The following NTM variants were observed in gnomAD, a reference collection of about 807,000 sequenced individuals.
NTM encodes the protein IgLON family member 2.
A neutral mutation model predicts 42.1 loss-of-function variants in NTM; 13 were observed. The observed-to-expected ratio is 0.31, with a 90% CI of 0.20 to 0.49. The LOEUF (loss-of-function observed/expected upper bound fraction) is 0.49. NTM is among the 20% of genes least tolerant of loss of function. The probability of loss-of-function intolerance (pLI) is 0.99; values close to 1 mark genes in which losing one functional copy is unlikely to be tolerated. For synonymous variants in NTM, 187 were observed against 179.2 expected, an observed-to-expected ratio of 1.04 and a Z score of -0.35; for missense variants, 373 against 452.8, an observed-to-expected ratio of 0.82 and a Z score of 1.60.
Position 131,661,041 on chromosome 11 carries a change from G to A in NTM, c.83-250523G>A, listed in dbSNP as rs887217773. ...AAGGTGGGAAGAGGTGGAAATGGAAGGGCACAGGTAGGTGCATACTCAATT... is the reference window on the plus strand; with the variant it reads ...AAGGTGGGAAGAGGTGGAAATGGAAAGGCACAGGTAGGTGCATACTCAATT... On this transcript the variant is annotated intron_variant, in intron 1 of 8. Transcript: ENST00000683400. The A allele has an allele frequency of 2.3e-6, 3 of 1,304,454 alleles. No homozygotes were observed. In the Admixed American group the frequency reaches 6.9e-5, roughly 30 times the overall value. 80.8% of individuals were successfully genotyped at this position (1,304,454 alleles called of 1,614,324 possible). A position where few individuals can be genotyped will look rare whatever the true frequency, so the allele number is the denominator to read the frequency against.
intron 1 of NTM, among the ~76,000 whole-genome samples, chr11:131,805,915 T>C (rs2092455666): frequency 6.6e-6 from 1 of 152,226 alleles, no homozygotes; most frequent in African/African-American, 2.4e-5. Context: ...AAATTAAACA[T>C]GATGTTTATG....
chr11:131,375,514 G>A (rs1275049956), intron 1 of NTM, among the ~76,000 whole-genome samples: 1 of 152,170 alleles, frequency 6.6e-6, no homozygotes, highest in South Asian at 2.1e-4. Flanking sequence ...ATTGCCGGAG[G>A]GTGCTTCATC....
intron 1 of NTM, among the ~76,000 whole-genome samples, chr11:131,475,742 G>C (rs768981485): frequency 6.6e-6 from 1 of 152,026 alleles, no homozygotes; most frequent in African/African-American, 2.4e-5. Flanking sequence ...TTGTTTAATG[G>C]GATTTTATGA....
intron 2 of NTM, among the ~76,000 whole-genome samples, chr11:131,916,461 T>A (rs1172368794): frequency 6.6e-6 from 1 of 152,190 alleles, no homozygotes; most frequent in African/African-American, 2.4e-5. Flanking sequence ...TGGATGATGT[T>A]GTTTTTCCCG....
At chr11:131,845,954 G>A (rs1341242863) in intron 1 of NTM, among the ~76,000 whole-genome samples, 4 of 151,864 alleles carry the variant, frequency 2.6e-5, no homozygotes, top group East Asian at 1.9e-4. Context: ...TATCCTCTCC[G>A]AAACATTCCA....
intron 1 of NTM, among the ~76,000 whole-genome samples, chr11:131,758,882 G>A (rs1308828606): frequency 1.3e-5 from 2 of 151,998 alleles, no homozygotes; most frequent in Admixed American, 6.6e-5. Flanking sequence ...ATGACCCACC[G>A]TGTCCAGCCG....
At chr11:131,760,693 C>T (rs1437693794) in intron 1 of NTM, among the ~76,000 whole-genome samples, 1 of 152,140 alleles carries the variant, frequency 6.6e-6, no homozygotes, top group East Asian at 1.9e-4. Flanking sequence ...GCCGGGGTTC[C>T]ATCTCCGGGA....
At chr11:132,199,952 T>C (rs2080895843) in intron 3 of NTM, among the ~76,000 whole-genome samples, 1 of 152,066 alleles carries the variant, frequency 6.6e-6, no homozygotes, top group Non-Finnish European at 1.5e-5. Flanking sequence ...TAACAAGAAG[T>C]CATGTTGAAA....
intron 1 of NTM, among the ~76,000 whole-genome samples, chr11:131,486,825 T>C (rs1954222556): frequency 6.6e-6 from 1 of 152,190 alleles, no homozygotes; most frequent in Non-Finnish European, 1.5e-5. Flanking sequence ...TCAAAATTGC[T>C]CTCAAAGATT....
chr11:132,097,651 G>T lies in NTM; in HGVS notation c.168-48631G>T, dbSNP rs186889871. On this transcript the variant is annotated intron_variant, in intron 2 of 8. Transcript: ENST00000683400. Reference sequence around the variant, plus strand: ...TGATATGACCTCCTAGGTCAGGCTGGCCTGGGAAAAAGCTTTCTATTTGAG... The same window carrying T: ...TGATATGACCTCCTAGGTCAGGCTGTCCTGGGAAAAAGCTTTCTATTTGAG... Among the ~76,000 whole-genome samples the T allele has an allele frequency of 1.5e-3, 223 of 152,238 alleles. 1 individual carries two copies. Among genetic ancestry groups the T allele is most frequent in the Middle Eastern group, 0.014 (4 of 294 alleles).
chr11:131,615,890 G>T (rs2061881987), intron 1 of NTM, among the ~76,000 whole-genome samples: 1 of 152,236 alleles, frequency 6.6e-6, no homozygotes, highest in African/African-American at 2.4e-5. Flanking sequence ...TGAGGCCAGT[G>T]AACACGGCAG....
At chr11:131,840,997 C>A (rs1383942267) in intron 1 of NTM, among the ~76,000 whole-genome samples, 1 of 152,184 alleles carries the variant, frequency 6.6e-6, no homozygotes, top group Non-Finnish European at 1.5e-5. Context: ...TCCAGCAGTA[C>A]AAGACCCACT....
At chr11:132,245,934 C>T (rs1441785920) in intron 4 of NTM, among the ~76,000 whole-genome samples, 4 of 152,200 alleles carry the variant, frequency 2.6e-5, no homozygotes, top group Non-Finnish European at 5.9e-5. Context: ...TTGATCTTCT[C>T]TACTCATCCC....
chr11:132,113,223 C>T (rs184326637), intron 2 of NTM, among the ~76,000 whole-genome samples: 43 of 152,300 alleles, frequency 2.8e-4, no homozygotes, highest in Admixed American at 1.8e-3. Flanking sequence ...CCAGTCTCAG[C>T]GAGGCACTTC....
chr11:131,862,120 C>A (rs1380332779), intron 1 of NTM, among the ~76,000 whole-genome samples: 1 of 152,130 alleles, frequency 6.6e-6, no homozygotes, highest in East Asian at 1.9e-4. Flanking sequence ...TGTTGCAAAG[C>A]CAGGTCTCAG....
chr11:131,667,852 G>T (rs994947160), intron 1 of NTM, among the ~76,000 whole-genome samples: 9 of 152,150 alleles, frequency 5.9e-5, no homozygotes, highest in African/African-American at 2.2e-4. Context: ...TGTCTCCTCT[G>T]TGCTACCAGG....
chr11:131,661,070 C>T (rs1366194661), intron 1 of NTM: 1 of 1,296,052 alleles, frequency 7.7e-7, no homozygotes, highest in Non-Finnish European at 1.0e-6. Flanking sequence ...CTCAATTCTT[C>T]ATCTTTTGCA....
In NTM at chr11:131,881,500, ACACACACACC is replaced by A. The variant is rs1297723830; in HGVS notation, c.83-30062_83-30053del. The stretch of plus-strand genomic sequence containing the variant: ...GTTACACACACACACACACACACAC[ACACACACACC>A]CCCCAAAGCTTTGACGCAGAGGAGC... On this transcript the variant is annotated intron_variant, in intron 1 of 8. Transcript: ENST00000683400. 7.3e-5 allele frequency among the ~76,000 whole-genome samples: 11 copies of A among 151,350 alleles called. No individual in the cohort carries two copies. The East Asian group carries it at 9.7e-4, about 13-fold the overall frequency.
At chr11:131,401,950 G>T (rs536672713) in intron 1 of NTM, among the ~76,000 whole-genome samples, 2 of 149,082 alleles carry the variant, frequency 1.3e-5, no homozygotes, top group African/African-American at 2.5e-5. Context: ...ATGTAGGAGA[G>T]ATTGTTAGCC....
Sources: gnomAD v4.1 joint callset for allele counts (sites outside exome capture counted in the v4.1 genomes callset) on GRCh38, gnomAD v4.1.1 for gene constraint, MANE v1.5 for transcripts, NCBI Gene and HGNC (gene_info 2026-07-23, HGNC 2026-07-21) for gene names.